Variants in DISP1 observed in about 807,000 individuals in gnomAD.
DISP1 encodes the protein dispatched RND transporter family member 1.
A neutral mutation model predicts 37.3 loss-of-function variants in DISP1; 30 were observed. That is an observed-to-expected ratio of 0.80 (90% confidence interval 0.60 to 1.09). DISP1 has a LOEUF of 1.09. DISP1 is among the 50% of genes least tolerant of loss of function. DISP1 has a pLI of 0.00. For missense variants in DISP1, 1,598 were observed against 1,879.5 expected (o/e 0.85, Z 2.77); for synonymous variants, 634 against 690.2 (o/e 0.92, Z 1.28).
chr1:222,887,230 G>T (rs1670645196), intron 1 of DISP1, among the ~76,000 whole-genome samples: 1 of 152,152 alleles, frequency 6.6e-6, no homozygotes, highest in Non-Finnish European at 1.5e-5. Context: ...AATGTTGCTT[G>T]TTAAGGCAGG....
At chr1:222,848,231 C>T (rs1013392803) in intron 1 of DISP1, among the ~76,000 whole-genome samples, 9 of 151,790 alleles carry the variant, frequency 5.9e-5, no homozygotes, top group African/African-American at 1.7e-4. Flanking sequence ...ATTGCATGCC[C>T]GATAGTGGGA....
intron 1 of DISP1, among the ~76,000 whole-genome samples, chr1:222,816,871 ATTTG>A (rs34721373): frequency 0.12 from 18,323 of 152,204 alleles, 1,461 homozygotes; most frequent in South Asian, 0.18. Flanking sequence ...ATTTAATCTT[ATTTG>A]TTTAAGTAGA....
intron 1 of DISP1, among the ~76,000 whole-genome samples, chr1:222,853,043 G>GAATC (rs1314216809): frequency 6.6e-6 from 1 of 152,166 alleles, no homozygotes; most frequent in Non-Finnish European, 1.5e-5. Context: ...TGTTGCTTTA[G>GAATC]AATGCCATTA....
intron 1 of DISP1, among the ~76,000 whole-genome samples, chr1:222,910,320 A>T (rs1175134305): frequency 6.6e-6 from 1 of 152,192 alleles, no homozygotes; most frequent in Non-Finnish European, 1.5e-5. Flanking sequence ...CCATGATTGC[A>T]CTATGGCACT....
chr1:222,854,186 TAAC>T (rs1161930867), intron 1 of DISP1, among the ~76,000 whole-genome samples: 1 of 152,176 alleles, frequency 6.6e-6, no homozygotes, highest in African/African-American at 2.4e-5. Context: ...ACAGATCTCT[TAAC>T]AAGACTGAAT....
intron 1 of DISP1, among the ~76,000 whole-genome samples, chr1:222,886,679 A>T (rs1419088038): frequency 6.6e-6 from 1 of 152,216 alleles, no homozygotes; most frequent in Non-Finnish European, 1.5e-5. Flanking sequence ...AACTGTTTTG[A>T]GAGACCATTT....
chr1:222,889,459 A>G (rs1670822230), intron 1 of DISP1, among the ~76,000 whole-genome samples: 1 of 152,116 alleles, frequency 6.6e-6, no homozygotes, highest in Non-Finnish European at 1.5e-5. Flanking sequence ...GAGAATGCAA[A>G]CAGTAGCACT....
intron 1 of DISP1, among the ~76,000 whole-genome samples, chr1:222,924,926 C>T (rs1383913390): frequency 1.3e-5 from 2 of 152,052 alleles, no homozygotes; most frequent in Admixed American, 6.6e-5. Flanking sequence ...TTTCCCTCCC[C>T]CATGCCCTTG....
At chr1:222,834,067 A>G (rs1376590608) in intron 1 of DISP1, among the ~76,000 whole-genome samples, 1 of 152,184 alleles carries the variant, frequency 6.6e-6, no homozygotes, top group Non-Finnish European at 1.5e-5. Flanking sequence ...ACAGATTTTT[A>G]AGTTGTAAGC....
intron 1 of DISP1, among the ~76,000 whole-genome samples, chr1:222,843,910 C>T (rs753102969): frequency 5.8e-4 from 88 of 152,124 alleles, no homozygotes; most frequent in Non-Finnish European, 9.6e-4. Context: ...CTTGTTTTTA[C>T]GCTGAAGATA....
intron 1 of DISP1, among the ~76,000 whole-genome samples, chr1:222,864,960 A>G (rs1669101617): frequency 6.6e-6 from 1 of 152,010 alleles, no homozygotes; most frequent in Non-Finnish European, 1.5e-5. Flanking sequence ...TGTGCCCTCA[A>G]AGGTTACAGA....
chr1:222,879,612 A>G (rs910778695), intron 1 of DISP1, among the ~76,000 whole-genome samples: 8 of 152,192 alleles, frequency 5.3e-5, no homozygotes, highest in Non-Finnish European at 7.4e-5. Flanking sequence ...AAGACAAAAC[A>G]TAAATAAAAA....
chr1:222,823,278 C>T (rs891945457), intron 1 of DISP1, among the ~76,000 whole-genome samples: 4 of 152,064 alleles, frequency 2.6e-5, no homozygotes, highest in African/African-American at 9.7e-5. Context: ...CGGAATCAAC[C>T]TAAGCATCCA....
In DISP1 at chr1:223,005,389, A is replaced by C. The variant is rs750541511; in HGVS notation, c.3992A>C (p.His1331Pro). 8.7e-5 allele frequency: 141 copies of C among 1,613,422 alleles called. No homozygotes were observed. The highest frequency in any genetic ancestry group is 3.3e-4 in the Middle Eastern group (2 of 6,084). ...AVEGFVHPIT[H>P]IHHCPCLQGR... ...GAGGGCTTTGTGCACCCCATCACGC[A>C]CATCCACCACTGTCCCTGCCTGCAG... is the stretch of plus-strand genomic sequence containing the variant. The change falls in exon 9 of 9, where the codon CAC becomes CCC. Residue 1331 changes from histidine to proline, a missense_variant. Transcript: ENST00000675850.
At chr1:222,877,690 C>T (rs1031575853) in intron 1 of DISP1, among the ~76,000 whole-genome samples, 1 of 152,210 alleles carries the variant, frequency 6.6e-6, no homozygotes, top group South Asian at 2.1e-4. Flanking sequence ...ATCAACTAAT[C>T]ACCCAAACAA....
At chr1:222,907,734 G>A (rs1671980587) in intron 1 of DISP1, among the ~76,000 whole-genome samples, 2 of 152,204 alleles carry the variant, frequency 1.3e-5, no homozygotes, top group African/African-American at 2.4e-5. Context: ...GGCGGATCAC[G>A]AGGTCAGGAG....
At chr1:223,002,341 A>G (rs1267006360) in intron 8 of DISP1, 44 bp from the exon 9 acceptor site, 1 of 1,572,598 alleles carries the variant, frequency 6.4e-7, no homozygotes, top group Non-Finnish European at 8.7e-7. Flanking sequence ...ACGATTGTGA[A>G]CCAATTTAAA....
At chr1:222,912,241 A>G (rs1452179595) in intron 1 of DISP1, among the ~76,000 whole-genome samples, 1 of 152,226 alleles carries the variant, frequency 6.6e-6, no homozygotes, top group Non-Finnish European at 1.5e-5. Flanking sequence ...GGGCTTAATC[A>G]TATCTTCATA....
intron 3 of DISP1, among the ~76,000 whole-genome samples, chr1:222,964,342 A>T (rs1258538823): frequency 6.6e-6 from 1 of 151,974 alleles, no homozygotes; most frequent in Non-Finnish European, 1.5e-5. Context: ...AAAAGTTACT[A>T]GTAAGTGGTA....
Sources: gnomAD v4.1 joint callset for allele counts (sites outside exome capture counted in the v4.1 genomes callset) on GRCh38, gnomAD v4.1.1 for gene constraint, MANE v1.5 for transcripts, NCBI Gene and HGNC (gene_info 2026-07-23, HGNC 2026-07-21) for gene names.